Variants in ZFHX3 observed in about 807,000 individuals in gnomAD.
ZFHX3 encodes zinc finger homeobox 3, also known as zinc finger homeobox protein 3.
ZFHX3 carries 42 observed loss-of-function variants against 279.1 expected under a neutral mutation model. That is an observed-to-expected ratio of 0.15 (90% CI 0.12 to 0.19). The LOEUF is 0.19. ZFHX3 is among the 10% of genes least tolerant of loss of function. ZFHX3 has a pLI of 1.00. For missense variants in ZFHX3, 4,981 were observed against 4,754.0 expected, an observed-to-expected ratio of 1.05 and a Z score of -1.40; for synonymous variants, 2,293 against 1,957.8, an observed-to-expected ratio of 1.17 and a Z score of -4.52.
chr16:73,377,151 T>C (rs2016737196), intron 3 of ZFHX3, among the ~76,000 whole-genome samples: 1 of 152,102 alleles, frequency 6.6e-6, no homozygotes, highest in African/African-American at 2.4e-5. Flanking sequence ...TTTGTATTTT[T>C]AGTAGAGACA....
intron 1 of ZFHX3, among the ~76,000 whole-genome samples, chr16:73,844,496 G>A (rs2142373170): frequency 6.6e-6 from 1 of 152,238 alleles, no homozygotes; most frequent in South Asian, 2.1e-4. Context: ...TATTCTAAAT[G>A]CTAAATATAC....
intron 2 of ZFHX3, among the ~76,000 whole-genome samples, chr16:73,480,275 T>C (rs1337404997): frequency 6.6e-6 from 1 of 152,160 alleles, no homozygotes; most frequent in Non-Finnish European, 1.5e-5. Context: ...GTGTGTTTGG[T>C]AGTAGGCTCC....
At chr16:73,886,442 G>A (rs1429624911) in intron 1 of ZFHX3, among the ~76,000 whole-genome samples, 1 of 152,168 alleles carries the variant, frequency 6.6e-6, no homozygotes, top group African/African-American at 2.4e-5. Context: ...AGATATTTCT[G>A]CTGCCTAAGA....
At chr16:73,269,315 G>A (rs1312266227) in intron 4 of ZFHX3, among the ~76,000 whole-genome samples, 7 of 152,090 alleles carry the variant, frequency 4.6e-5, no homozygotes, top group Non-Finnish European at 1.5e-5. Flanking sequence ...TTTCTTGTTT[G>A]TTTCTCGTCA....
chr16:73,037,113 G>C (rs928879730), intron 1 of ZFHX3, among the ~76,000 whole-genome samples: 2 of 152,060 alleles, frequency 1.3e-5, no homozygotes, highest in African/African-American at 4.8e-5. Flanking sequence ...AGATACACCC[G>C]TATATCACAA....
Position 72,800,121 on chromosome 16 carries a change from G to C in ZFHX3, c.3873C>G (p.Thr1291=), listed in dbSNP as rs1459102635. ...TGCTGCTTGGCATCACCATCTCAGG[G>C]GTGGTCACCTGAGGAGCAAGAGCAA... ...CVEKLIMTVT[T]PEMVMPSSMF... The change falls in exon 8 of 10, where the codon ACC becomes ACG. Residue 1291 remains threonine (T), a synonymous_variant. Transcript: ENST00000268489. 3 of 1,613,460 alleles carry C rather than the reference G, an allele frequency of 1.9e-6. No homozygotes were observed. The highest frequency in any genetic ancestry group is 2.5e-6 in the Non-Finnish European group (3 of 1,179,530).
At chr16:73,006,210 C>A (rs1311285621) in intron 1 of ZFHX3, 1 of 152,228 alleles carries the variant, frequency 6.6e-6, no homozygotes, top group Non-Finnish European at 1.5e-5. Context: ...TGTTGCCTCT[C>A]ATGATTCATC....
chr16:73,266,262 T>A (rs2013972285), intron 4 of ZFHX3, among the ~76,000 whole-genome samples: 2 of 152,248 alleles, frequency 1.3e-5, no homozygotes, highest in Admixed American at 6.5e-5. Context: ...CATCACATAT[T>A]CTGCATTTAT....
chr16:72,820,298 A>G (rs2036750646), intron 5 of ZFHX3, among the ~76,000 whole-genome samples: 1 of 152,172 alleles, frequency 6.6e-6, no homozygotes, highest in Non-Finnish European at 1.5e-5. Context: ...CAGAGACATC[A>G]ATCTGTTGCA....
Position 73,055,696 on chromosome 16 carries a change from G to GCACACACA in ZFHX3, c.-24+2833_-24+2834insTGTGTGTG, listed in dbSNP as rs200899475. Among the ~76,000 whole-genome samples the GCACACACA allele has an allele frequency of 1.0e-3, 96 of 94,750 alleles. No homozygotes were observed. The East Asian group carries it at 0.012, about 12-fold the overall frequency. 62.2% of individuals were successfully genotyped at this position (94,750 alleles called of 152,430 possible). A position where few individuals can be genotyped will look rare whatever the true frequency, so the allele number is the denominator to read the frequency against. On this transcript the variant is annotated intron_variant, in intron 1 of 8. Transcript: ENST00000397992. The stretch of plus-strand genomic sequence containing the variant: ...CAGACGTACGCGCGCGCGCGCGCGC[G>GCACACACA]CGCACACACACACACACACACACAC...
chr16:72,932,533 C>T (rs1843759504), intron 3 of ZFHX3, among the ~76,000 whole-genome samples: 1 of 151,962 alleles, frequency 6.6e-6, no homozygotes, highest in South Asian at 2.1e-4. Context: ...AATCCAAGCT[C>T]CACCTCCTTC....
At chr16:73,147,763 C>G in intron 5 of ZFHX3, among the ~76,000 whole-genome samples, 1 of 149,026 alleles carries the variant, frequency 6.7e-6, no homozygotes, top group African/African-American at 2.5e-5. Context: ...CCAGCTATTC[C>G]GGAGGCCGAG....
chr16:73,587,073 A>C (rs2051934742), intron 2 of ZFHX3, among the ~76,000 whole-genome samples: 1 of 152,212 alleles, frequency 6.6e-6, no homozygotes, highest in African/African-American at 2.4e-5. Flanking sequence ...GGCTCTGTGA[A>C]AGAAAGAGTG....
intron 1 of ZFHX3, among the ~76,000 whole-genome samples, chr16:73,723,729 G>A (rs2639310): frequency 0.87 from 132,562 of 152,216 alleles, 58,662 homozygotes; most frequent in Non-Finnish European, 0.95. Flanking sequence ...TTAAGCCAAT[G>A]AGTTATATGA....
intron 4 of ZFHX3, among the ~76,000 whole-genome samples, chr16:72,837,993 G>C (rs2037239629): frequency 6.6e-6 from 1 of 152,176 alleles, no homozygotes; most frequent in South Asian, 2.1e-4. Flanking sequence ...AAATACACCT[G>C]GGGCCACAGC....
chr16:73,494,248 C>A (rs764026151), intron 2 of ZFHX3, among the ~76,000 whole-genome samples: 1 of 152,114 alleles, frequency 6.6e-6, no homozygotes, highest in African/African-American at 2.4e-5. Flanking sequence ...ACGGACGGAG[C>A]GGTTTGCTAG....
chr16:73,129,025 CT>C (rs111396660), intron 7 of ZFHX3, among the ~76,000 whole-genome samples: 106 of 152,216 alleles, frequency 7.0e-4, no homozygotes, highest in African/African-American at 2.4e-3. Flanking sequence ...CTCCTTAAAC[CT>C]TCCCCACACT....
chr16:73,038,316 G>C (rs1388893589), intron 1 of ZFHX3, among the ~76,000 whole-genome samples: 1 of 152,186 alleles, frequency 6.6e-6, no homozygotes, highest in Non-Finnish European at 1.5e-5. Flanking sequence ...AGAGATTAGA[G>C]ACCCTGCCCC....
intron 7 of ZFHX3, chr16:73,123,218 A>C (rs1198761872): frequency 1.3e-5 from 2 of 149,916 alleles, no homozygotes; most frequent in Non-Finnish European, 3.0e-5. Flanking sequence ...AAAAAAAAAA[A>C]AATGGCTACA....
Sources: gnomAD v4.1 joint callset for allele counts (sites outside exome capture counted in the v4.1 genomes callset) on GRCh38, gnomAD v4.1.1 for gene constraint, MANE v1.5 for transcripts, NCBI Gene and HGNC (gene_info 2026-07-23, HGNC 2026-07-21) for gene names.